The following TMEM132D variants were observed in gnomAD, a reference collection of about 807,000 sequenced individuals.
The protein encoded by TMEM132D is mature OL transmembrane protein.
TMEM132D carries 21 observed loss-of-function variants against 62.3 expected under a neutral mutation model. The ratio of observed to expected loss-of-function variants is 0.34; its 90% CI spans 0.24 to 0.49. TMEM132D has a LOEUF of 0.49. Among genes scored for constraint, TMEM132D ranks in the 20% least tolerant of loss-of-function variants. The pLI is 0.99. For synonymous variants in TMEM132D, 621 were observed against 575.6 expected (o/e 1.08, Z -1.13); for missense variants, 1,346 against 1,402.8 (o/e 0.96, Z 0.65).
At chr12:129,392,441 T>C (rs746891183) in intron 3 of TMEM132D, among the ~76,000 whole-genome samples, 1 of 152,212 alleles carries the variant, frequency 6.6e-6, no homozygotes, top group Non-Finnish European at 1.5e-5. Flanking sequence ...ATTTCCAGAA[T>C]CTGCACACTG....
intron 2 of TMEM132D, among the ~76,000 whole-genome samples, chr12:129,612,681 A>T (rs1278976159): frequency 2.6e-5 from 4 of 151,380 alleles, no homozygotes; most frequent in African/African-American, 9.7e-5. Context: ...TATCAGTCCC[A>T]TACTGCTCCC....
intron 3 of TMEM132D, among the ~76,000 whole-genome samples, chr12:129,447,828 C>T (rs1285277698): frequency 6.6e-6 from 1 of 152,204 alleles, no homozygotes; most frequent in Non-Finnish European, 1.5e-5. Context: ...TCCTTGTCAA[C>T]TCCACCACTA....
intron 5 of TMEM132D, among the ~76,000 whole-genome samples, chr12:129,167,053 T>C (rs2135544518): frequency 6.6e-6 from 1 of 151,268 alleles, no homozygotes; most frequent in South Asian, 2.1e-4. Context: ...CCAGATACTT[T>C]GGAGGCTGAG....
At chr12:129,800,398 C>T (rs569376116) in intron 1 of TMEM132D, among the ~76,000 whole-genome samples, 5 of 151,552 alleles carry the variant, frequency 3.3e-5, no homozygotes, top group African/African-American at 7.3e-5. Context: ...GGCGGGGGAG[C>T]CATATATTGA....
At chr12:129,767,775 G>A (rs1468700375) in intron 1 of TMEM132D, among the ~76,000 whole-genome samples, 1 of 152,152 alleles carries the variant, frequency 6.6e-6, no homozygotes, top group East Asian at 1.9e-4. Context: ...CTTGGCTATT[G>A]TGAGTGTAGT....
At chr12:129,793,464 C>A (rs751146819) in intron 1 of TMEM132D, among the ~76,000 whole-genome samples, 2 of 152,100 alleles carry the variant, frequency 1.3e-5, no homozygotes, top group Admixed American at 6.6e-5. Context: ...CTCAACCTCC[C>A]CAGCTCAAGC....
At chr12:129,775,554 G>A (rs908849427) in intron 1 of TMEM132D, among the ~76,000 whole-genome samples, 4 of 152,174 alleles carry the variant, frequency 2.6e-5, no homozygotes, top group African/African-American at 9.7e-5. Context: ...CAGAAACTGA[G>A]GCCAACTAAC....
chr12:129,863,156 G>A (rs181015243), intron 1 of TMEM132D, among the ~76,000 whole-genome samples: 100 of 152,262 alleles, frequency 6.6e-4, no homozygotes, highest in African/African-American at 2.3e-3. Context: ...TTTAGCTTGG[G>A]CAAAAGTATA....
chr12:129,680,224 A>G (rs1880743613), intron 2 of TMEM132D, among the ~76,000 whole-genome samples: 1 of 152,222 alleles, frequency 6.6e-6, no homozygotes, highest in Admixed American at 6.5e-5. Flanking sequence ...CTTGGGCTTC[A>G]GATTATCATT....
intron 5 of TMEM132D, among the ~76,000 whole-genome samples, chr12:129,168,321 ATAAAAT>A (rs1015982671): frequency 1.3e-4 from 20 of 152,164 alleles, no homozygotes; most frequent in Admixed American, 1.1e-3. Flanking sequence ...CTTTAAAAGT[ATAAAAT>A]TAAGTGATTT....
At chr12:129,214,089 A>G (rs1879135373) in intron 4 of TMEM132D, among the ~76,000 whole-genome samples, 1 of 152,154 alleles carries the variant, frequency 6.6e-6, no homozygotes, top group East Asian at 1.9e-4. Flanking sequence ...GACAAAACAG[A>G]CTTCTACTAT....
intron 3 of TMEM132D, among the ~76,000 whole-genome samples, chr12:129,367,721 G>C (rs774789977): frequency 1.3e-5 from 2 of 151,702 alleles, no homozygotes; most frequent in Non-Finnish European, 2.9e-5. Flanking sequence ...CCCAGCCCTG[G>C]ATGTTTTTCG....
At chr12:129,457,287 G>A (rs1873503443) in intron 3 of TMEM132D, among the ~76,000 whole-genome samples, 1 of 151,702 alleles carries the variant, frequency 6.6e-6, no homozygotes, top group African/African-American at 2.4e-5. Flanking sequence ...TATGTCCTTT[G>A]TAGGGACATG....
At chr12:129,587,145 C>G (rs1200815929) in intron 2 of TMEM132D, among the ~76,000 whole-genome samples, 6 of 152,106 alleles carry the variant, frequency 3.9e-5, no homozygotes, top group Non-Finnish European at 8.8e-5. Context: ...ACCTTACATG[C>G]CCATCAATGA....
chr12:129,708,231 G>GA (rs1403748229), intron 1 of TMEM132D, among the ~76,000 whole-genome samples: 3 of 151,952 alleles, frequency 2.0e-5, no homozygotes, highest in Non-Finnish European at 4.4e-5. Flanking sequence ...ACAGAAAAAA[G>GA]AAAAAGAAAA....
intron 5 of TMEM132D, among the ~76,000 whole-genome samples, chr12:129,152,128 C>T (rs958230751): frequency 2.6e-5 from 4 of 152,122 alleles, no homozygotes; most frequent in Non-Finnish European, 4.4e-5. Flanking sequence ...GATCTACCCC[C>T]GCCTTGGCCT....
intron 5 of TMEM132D, among the ~76,000 whole-genome samples, chr12:129,149,025 C>A (rs1459264727): frequency 2.6e-5 from 4 of 151,712 alleles, no homozygotes; most frequent in East Asian, 3.9e-4. Context: ...CCCTCATATG[C>A]CCCATGGAAT....
In TMEM132D at chr12:129,678,855, CTA is replaced by C. The variant is rs550048855; in HGVS notation, c.968+20953_968+20954del. Among the ~76,000 whole-genome samples the C allele has an allele frequency of 4.4e-3, 673 of 152,074 alleles. 4 individuals carry two copies. The highest frequency in any genetic ancestry group is 0.014 in the African/African-American group (601 of 41,528). On this transcript the variant is annotated intron_variant, in intron 2 of 8. Transcript: ENST00000422113. ...TTTTCTCATTTGGATAATTAGTACT[CTA>C]GTGTCATTTTTGAAAAATATATTTT...
At chr12:129,076,090 A>ACTCTCTCTCT (rs145321381) in intron 8 of TMEM132D, among the ~76,000 whole-genome samples, 3,681 of 151,592 alleles carry the variant, frequency 0.024, 169 homozygotes, top group African/African-American at 0.084. Flanking sequence ...AGCCAGCATT[A>ACTCTCTCTCT]CTCTCTCTCT....
Sources: gnomAD v4.1 joint callset for allele counts (sites outside exome capture counted in the v4.1 genomes callset) on GRCh38, gnomAD v4.1.1 for gene constraint, MANE v1.5 for transcripts, NCBI Gene and HGNC (gene_info 2026-07-23, HGNC 2026-07-21) for gene names.